The following MGMT variants were observed in gnomAD, a reference collection of about 807,000 sequenced individuals.
The protein encoded by MGMT is methylated-DNA--protein-cysteine methyltransferase.
A neutral mutation model predicts 15.9 loss-of-function variants in MGMT; 14 were observed. The observed-to-expected ratio is 0.88, with a 90% CI of 0.58 to 1.37. MGMT has a LOEUF of 1.37. MGMT is among the 40% of genes most tolerant of loss of function. The probability of loss-of-function intolerance (pLI) is 0.00; values close to 1 mark genes in which losing one functional copy is unlikely to be tolerated. For synonymous variants in MGMT, 130 were observed against 118.2 expected (o/e 1.10, Z -0.65); for missense variants, 282 against 268.1 (o/e 1.05, Z -0.36).
chr10:129,670,312 C>G (rs1267328046), intron 2 of MGMT, among the ~76,000 whole-genome samples: 1 of 152,182 alleles, frequency 6.6e-6, no homozygotes, highest in Non-Finnish European at 1.5e-5. Context: ...TATAACACAT[C>G]TTAGCAGATT....
intron 1 of MGMT, among the ~76,000 whole-genome samples, chr10:129,476,259 C>T (rs754062862): frequency 6.6e-6 from 1 of 152,202 alleles, no homozygotes; most frequent in African/African-American, 2.4e-5. Flanking sequence ...ACATGGCCCC[C>T]GCTGTCCTTG....
At chr10:129,577,383 A>G (rs1268408785) in intron 2 of MGMT, among the ~76,000 whole-genome samples, 5 of 152,354 alleles carry the variant, frequency 3.3e-5, no homozygotes, top group East Asian at 1.9e-4. Flanking sequence ...ATAATGCCAC[A>G]TATCTACAAC....
chr10:129,498,101 G>A (rs191201051), intron 1 of MGMT, among the ~76,000 whole-genome samples: 4 of 152,340 alleles, frequency 2.6e-5, no homozygotes, highest in Admixed American at 2.0e-4. Flanking sequence ...GATGCCTCTC[G>A]TTTGGGTTTG....
At chr10:129,507,876 G>A (rs1222248744) in intron 1 of MGMT, among the ~76,000 whole-genome samples, 4 of 152,190 alleles carry the variant, frequency 2.6e-5, no homozygotes, top group Non-Finnish European at 5.9e-5. Flanking sequence ...TCAGCAGCTA[G>A]CAAACAAGCC....
intron 2 of MGMT, among the ~76,000 whole-genome samples, chr10:129,707,360 G>A (rs1265230289): frequency 8.8e-4 from 134 of 151,982 alleles, no homozygotes; most frequent in Non-Finnish European, 4.4e-5. Flanking sequence ...GCCCCCGAGA[G>A]GACAGACTCA....
In MGMT at chr10:129,528,665, C is replaced by T. The variant is rs372668883; in HGVS notation, c.-12-7576C>T. Reference sequence around the variant, plus strand: ...GACTAGCCATGGAGAACCGTGGTGGCGGAGTGGCCGTGGAGAGCTGCGGTG... The same window carrying T: ...GACTAGCCATGGAGAACCGTGGTGGTGGAGTGGCCGTGGAGAGCTGCGGTG... On this transcript the variant is annotated intron_variant, in intron 1 of 4. Coordinates refer to ENST00000651593, the MANE Select transcript of MGMT (RefSeq NM_002412.5). 6.9e-4 allele frequency among the ~76,000 whole-genome samples: 100 copies of T among 145,538 alleles called. 2 individuals are homozygous for T. Among genetic ancestry groups the T allele is most frequent in the East Asian group, 5.8e-3 (27 of 4,688 alleles).
chr10:129,750,708 A>T (rs1848742575), intron 3 of MGMT, among the ~76,000 whole-genome samples: 1 of 152,126 alleles, frequency 6.6e-6, no homozygotes, highest in Non-Finnish European at 1.5e-5. Context: ...TTAAGCATCC[A>T]TGGATTTTGG....
chr10:129,653,969 G>A (rs971168315), intron 2 of MGMT, among the ~76,000 whole-genome samples: 6 of 152,086 alleles, frequency 3.9e-5, no homozygotes, highest in African/African-American at 1.4e-4. Context: ...GAACTTGGTG[G>A]CCCTCAGAGA....
chr10:129,611,250 T>C (rs1846956007), intron 2 of MGMT, among the ~76,000 whole-genome samples: 1 of 152,196 alleles, frequency 6.6e-6, no homozygotes, highest in African/African-American at 2.4e-5. Flanking sequence ...TTATCTGGGC[T>C]GGACAGACTT....
chr10:129,649,933 T>G (rs1352215162), intron 2 of MGMT, among the ~76,000 whole-genome samples: 1 of 152,216 alleles, frequency 6.6e-6, no homozygotes, highest in African/African-American at 2.4e-5. Context: ...CTGCCTGTAT[T>G]TTTTTTCTTC....
At chr10:129,697,299 A>G (rs1848043146) in intron 2 of MGMT, among the ~76,000 whole-genome samples, 1 of 152,230 alleles carries the variant, frequency 6.6e-6, no homozygotes, top group Non-Finnish European at 1.5e-5. Flanking sequence ...CATCAAGGGC[A>G]GAGCATGTGG....
chr10:129,481,886 G>C (rs558890717), intron 1 of MGMT, among the ~76,000 whole-genome samples: 1 of 152,004 alleles, frequency 6.6e-6, no homozygotes, highest in African/African-American at 2.4e-5. Flanking sequence ...GCCAACTTTC[G>C]TTACTTGATT....
intron 4 of MGMT, among the ~76,000 whole-genome samples, chr10:129,760,321 G>T (rs535694193): frequency 6.6e-6 from 1 of 152,330 alleles, no homozygotes; most frequent in African/African-American, 2.4e-5. Context: ...CCTCAAGAAT[G>T]CCCCTGGAAT....
At chr10:129,491,937 CT>C (rs1263080313) in intron 1 of MGMT, among the ~76,000 whole-genome samples, 6 of 152,030 alleles carry the variant, frequency 3.9e-5, no homozygotes, top group Non-Finnish European at 7.4e-5. Context: ...TATTCCTCTG[CT>C]TGTATTTTCT....
chr10:129,557,775 A>C (rs1291779152), intron 2 of MGMT, among the ~76,000 whole-genome samples: 1 of 152,206 alleles, frequency 6.6e-6, no homozygotes, highest in East Asian at 1.9e-4. Context: ...TGTTTTCAGA[A>C]GTAGAATTAT....
At position 129,659,020 on chromosome 10, in the gene MGMT, AAC is replaced by A; in HGVS notation, c.126-48873_126-48872del. Among the ~76,000 whole-genome samples, 1 of 152,242 alleles carries A rather than the reference AAC, an allele frequency of 6.6e-6. No homozygotes were observed. The highest frequency in any genetic ancestry group is 1.5e-5 in the Non-Finnish European group (1 of 68,028). ...CTTTGGATTTTGTGGCTGCAACAAT[AAC>A]AAAAAAAAATCCTTGGTTCTGATGA... On this transcript the variant is annotated intron_variant, in intron 2 of 4. Coordinates refer to ENST00000651593, the MANE Select transcript of MGMT (RefSeq NM_002412.5). This position sits in a 1 kb window ranked among gnomAD's most constrained non-coding sequence, Gnocchi z 4.1.
intron 2 of MGMT, among the ~76,000 whole-genome samples, chr10:129,653,333 T>C (rs755416757): frequency 1.7e-4 from 26 of 152,362 alleles, no homozygotes; most frequent in Non-Finnish European, 2.5e-4. Flanking sequence ...TTTGAAAACA[T>C]TGATCATTTT....
In MGMT at chr10:129,749,912, A is replaced by G. The variant is rs75612069; in HGVS notation, c.275-9290A>G. Among the ~76,000 whole-genome samples, 202 of 152,132 alleles carry G rather than the reference A, an allele frequency of 1.3e-3. 2 individuals are homozygous for G. The East Asian group carries it at 0.035, about 27-fold the overall frequency. Reference sequence around the variant, plus strand: ...CCTTGTGCTTATTTGTCACCTATATATATTCTTTGGTGAAGTGTCTGTTAA... The same window carrying G: ...CCTTGTGCTTATTTGTCACCTATATGTATTCTTTGGTGAAGTGTCTGTTAA... On this transcript the variant is annotated intron_variant, in intron 3 of 4. Transcript: ENST00000651593.
At chr10:129,561,350 G>A (rs930200659) in intron 2 of MGMT, among the ~76,000 whole-genome samples, 15 of 152,172 alleles carry the variant, frequency 9.9e-5, no homozygotes, top group Non-Finnish European at 1.9e-4. Flanking sequence ...GAGGAGGTCG[G>A]GAAGGAGCCT....
Sources: allele counts gnomAD v4.1 joint callset (sites outside exome capture counted in the v4.1 genomes callset), GRCh38; gene constraint gnomAD v4.1.1; non-coding constraint Gnocchi (gnomAD v3.1); transcripts MANE v1.5; gene names NCBI Gene and HGNC (gene_info 2026-07-23, HGNC 2026-07-21).